CLVS1: variants seen among roughly 807,000 people sequenced by gnomAD.
CLVS1 encodes clavesin-1.
A neutral mutation model predicts 33.1 loss-of-function variants in CLVS1; 10 were observed. The ratio of observed to expected loss-of-function variants is 0.30; its 90% CI spans 0.19 to 0.51. The LOEUF is 0.51. Ranked by LOEUF, CLVS1 falls within the 20% of genes least tolerant of loss-of-function variation. CLVS1 has a pLI of 0.97. For synonymous variants in CLVS1, 163 were observed against 166.1 expected, an observed-to-expected ratio of 0.98 and a Z score of 0.14; for missense variants, 343 against 433.4, an observed-to-expected ratio of 0.79 and a Z score of 1.85.
In CLVS1 at chr8:61,086,810, A is replaced by T. The variant is rs1319893240; in HGVS notation, c.-243+29580A>T. 3.3e-5 allele frequency among the ~76,000 whole-genome samples: 5 copies of T among 152,198 alleles called. No individual in the cohort carries two copies. The East Asian group carries it at 9.6e-4, about 29-fold the overall frequency. The stretch of plus-strand genomic sequence containing the variant: ...TAATCTCCAAGGTAGTCAAGGAGGA[A>T]CTATAATCCTAACAGTAAAGGCAAG... On this transcript the variant is annotated intron_variant, in intron 1 of 2. Transcript: ENST00000522621.
At chr8:61,447,233 C>T (rs1816787442) in intron 3 of CLVS1, among the ~76,000 whole-genome samples, 1 of 152,080 alleles carries the variant, frequency 6.6e-6, no homozygotes, top group African/African-American at 2.4e-5. Flanking sequence ...TCCAGTTCTA[C>T]TAGCTTTTGC....
rs570764748 is a variant in CLVS1, at chr8:61,392,842, C to CAAAAAAAAAAAAAAAA, written c.630+16071_630+16072insAAAAAAAAAAAAAAAA. Among the ~76,000 whole-genome samples, 29 of 149,570 alleles carry CAAAAAAAAAAAAAAAA rather than the reference C, an allele frequency of 1.9e-4. 1 individual carries two copies. Among genetic ancestry groups the CAAAAAAAAAAAAAAAA allele is most frequent in the African/African-American group, 7.3e-4 (29 of 39,864 alleles). ...TGGGTGACAGAGCAAGACTCTGTCT[C>CAAAAAAAAAAAAAAAA]AAAAAAAACATATATTTTAAATCAT... On this transcript the variant is annotated intron_variant, in intron 3 of 5. Transcript: ENST00000325897.
the CLVS1 span, among the ~76,000 whole-genome samples, chr8:60,992,077 A>T: frequency 6.6e-6 from 1 of 152,122 alleles, no homozygotes; most frequent in South Asian, 2.1e-4. Context: ...TCCTGTTGAG[A>T]TGCCACTTTC....
the CLVS1 span, among the ~76,000 whole-genome samples, chr8:60,967,355 G>T: frequency 2.0e-5 from 3 of 152,228 alleles, no homozygotes; most frequent in Non-Finnish European, 4.4e-5. Context: ...AAGATGGCTG[G>T]TGAGGACAGG....
intron 2 of CLVS1, among the ~76,000 whole-genome samples, chr8:61,205,389 G>A (rs758105565): frequency 6.6e-5 from 10 of 152,186 alleles, no homozygotes; most frequent in Non-Finnish European, 1.2e-4. Context: ...TTGTCCTTTC[G>A]TGTTGCATAA....
chr8:61,065,922 A>G (rs1804669387), intron 1 of CLVS1, among the ~76,000 whole-genome samples: 1 of 152,244 alleles, frequency 6.6e-6, no homozygotes, highest in African/African-American at 2.4e-5. Context: ...AGATCAATAC[A>G]CATAGCATGT....
intron 2 of CLVS1, chr8:61,202,463 A>C (rs1807753752): frequency 1.2e-6 from 1 of 808,110 alleles, no homozygotes; most frequent in Admixed American, 1.7e-5. Flanking sequence ...AATGATGAAA[A>C]TGAGCGCCAG....
At chr8:61,498,103 A>G (rs1244852303) in intron 5 of CLVS1, among the ~76,000 whole-genome samples, 4 of 152,206 alleles carry the variant, frequency 2.6e-5, no homozygotes, top group African/African-American at 4.8e-5. Flanking sequence ...AATGCATCTC[A>G]GCAGGCTTTA....
intron 1 of CLVS1, among the ~76,000 whole-genome samples, chr8:61,073,261 A>G (rs958094145): frequency 6.6e-6 from 1 of 152,232 alleles, no homozygotes; most frequent in African/African-American, 2.4e-5. Context: ...GCTTGTTCTT[A>G]CCATAATTTC....
intron 3 of CLVS1, among the ~76,000 whole-genome samples, chr8:61,409,695 G>A (rs557993497): frequency 3.9e-5 from 6 of 152,210 alleles, no homozygotes; most frequent in South Asian, 2.1e-4. Context: ...AAAATTATCC[G>A]TTTGCAATTT....
chr8:61,085,477 C>T (rs2129283243), intron 1 of CLVS1, among the ~76,000 whole-genome samples: 1 of 152,170 alleles, frequency 6.6e-6, no homozygotes, highest in Non-Finnish European at 1.5e-5. Flanking sequence ...CAATAACAGC[C>T]TCTCAATCTA....
chr8:60,981,294 A>C, the CLVS1 span, among the ~76,000 whole-genome samples: 1 of 152,250 alleles, frequency 6.6e-6, no homozygotes, highest in Non-Finnish European at 1.5e-5. Context: ...CCACAAGCCA[A>C]ATATATTGAA....
At chr8:61,052,205 C>G (rs982349609), upstream of CLVS1, among the ~76,000 whole-genome samples, 6 of 152,226 alleles carry the variant, frequency 3.9e-5, no homozygotes, top group African/African-American at 1.4e-4. Context: ...TAGCATTGAA[C>G]ACATAACAAC....
chr8:61,236,864 C>T (rs1808573232), intron 2 of CLVS1, among the ~76,000 whole-genome samples: 1 of 152,178 alleles, frequency 6.6e-6, no homozygotes, highest in African/African-American at 2.4e-5. Flanking sequence ...AATGGAAGAG[C>T]TGCACTTGGG....
At chr8:61,039,461 T>C in the CLVS1 span, among the ~76,000 whole-genome samples, 3 of 152,236 alleles carry the variant, frequency 2.0e-5, no homozygotes, top group African/African-American at 7.2e-5. Flanking sequence ...GGTTTCTTTC[T>C]GAAGGCTCAG....
At chr8:61,159,708 T>C (rs1207265991) in intron 2 of CLVS1, among the ~76,000 whole-genome samples, 3 of 152,198 alleles carry the variant, frequency 2.0e-5, no homozygotes, top group African/African-American at 7.2e-5. Flanking sequence ...CCTAAATCAG[T>C]TAGAGAAAGT....
chr8:61,484,074 T>C (rs1477529748), intron 5 of CLVS1, among the ~76,000 whole-genome samples: 2 of 152,294 alleles, frequency 1.3e-5, no homozygotes, highest in Non-Finnish European at 2.9e-5. Context: ...TTCAACCTAC[T>C]GTTGGAAGTT....
chr8:61,025,950 C>A, the CLVS1 span, among the ~76,000 whole-genome samples: 2 of 152,160 alleles, frequency 1.3e-5, no homozygotes, highest in African/African-American at 4.8e-5. Context: ...AAAACAGAAA[C>A]AAAATCACCC....
intron 2 of CLVS1, among the ~76,000 whole-genome samples, chr8:61,211,478 TCTC>T (rs1183736095): frequency 6.6e-6 from 1 of 151,238 alleles, no homozygotes; most frequent in Non-Finnish European, 1.5e-5. Context: ...TGCCTCCCCC[TCTC>T]CTCCTCCTCT....
Sources: gnomAD v4.1 joint callset for allele counts (sites outside exome capture counted in the v4.1 genomes callset) on GRCh38, gnomAD v4.1.1 for gene constraint, MANE v1.5 for transcripts, NCBI Gene and HGNC (gene_info 2026-07-23, HGNC 2026-07-21) for gene names.